The following PCNT variants were observed in gnomAD, a reference collection of about 807,000 sequenced individuals.
PCNT encodes kendrin.
PCNT carries 319 observed loss-of-function variants against 380.4 expected under a neutral mutation model. The observed-to-expected ratio is 0.84, with a 90% CI of 0.77 to 0.92. The LOEUF is 0.92. Ranked by LOEUF, PCNT falls within the 40% of genes least tolerant of loss-of-function variation. The pLI, the probability that PCNT is intolerant of heterozygous loss-of-function variation, is 0.00. For synonymous variants in PCNT, 1,845 were observed against 1,735.2 expected (o/e 1.06, Z -1.57); for missense variants, 4,400 against 4,255.3 (o/e 1.03, Z -0.95).
Position 46,382,481 on chromosome 21 carries a change from G to A in PCNT, c.3312+641G>A, listed in dbSNP as rs530061757. Among the ~76,000 whole-genome samples, 212 of 143,698 alleles carry A rather than the reference G, an allele frequency of 1.5e-3. 18 individuals are homozygous for A. The highest frequency in any genetic ancestry group is 3.9e-3 in the Middle Eastern group (1 of 256). The allele number at this position is 143,698 out of a possible 152,430, so 94.3% of individuals were successfully genotyped here. On this transcript the variant is annotated intron_variant, in intron 16 of 46. Transcript: ENST00000359568. Reference sequence around the variant, plus strand: ...TTCACCATGTTGTATATTCAGTGACGGAAGCGCATTCACGGTGTTGTGCAT... The same window carrying A: ...TTCACCATGTTGTATATTCAGTGACAGAAGCGCATTCACGGTGTTGTGCAT...
rs914151825 is a variant in PCNT, at chr21:46,425,241, G to T, written c.7180-590G>T. Among the ~76,000 whole-genome samples, 1 of 152,216 alleles carries T rather than the reference G, an allele frequency of 6.6e-6. No homozygotes were observed. Among genetic ancestry groups the T allele is most frequent in the Admixed American group, 6.5e-5 (1 of 15,286 alleles). On this transcript the variant is annotated intron_variant, in intron 32 of 46. Transcript: ENST00000359568. The surrounding 1 kb of genome is among the most constrained non-coding windows in gnomAD (Gnocchi z 4.2). ...TGTGTGTCCGGACACCAGCTGCTGCGTAATCGGTGGGATAAAGCAGCCGCC... is the reference window on the plus strand; with the variant it reads ...TGTGTGTCCGGACACCAGCTGCTGCTTAATCGGTGGGATAAAGCAGCCGCC...
chr21:46,327,239 T>G lies in PCNT; in HGVS notation c.267+650T>G, dbSNP rs184271779. Among the ~76,000 whole-genome samples the G allele has an allele frequency of 6.6e-3, 1,000 of 151,966 alleles. 8 individuals carry two copies. Among genetic ancestry groups the G allele is most frequent in the African/African-American group, 0.023 (947 of 41,494 alleles). On this transcript the variant is annotated intron_variant, in intron 2 of 46. Transcript: ENST00000359568. ...CCACGCCCGGCTAGTTTTTGTATTT[T>G]TAATAGAGGTGGGGTTTCACTGTGT...
chr21:46,353,130 A>C lies in PCNT; in HGVS notation c.1483A>C (p.Thr495Pro). The change falls in exon 10 of 47, where the codon ACC becomes CCC. Residue 495 changes from threonine to proline, a missense_variant. Coordinates refer to ENST00000359568, the MANE Select transcript of PCNT (RefSeq NM_006031.6). ...SELHEQLLAR[T>P]SRVEDLEQLK... ...GCTACATGAGCAACTCCTGGCGCGCACCTCTCGTGTGGAAGATTTAGAACA... is the reference window on the plus strand; with the variant it reads ...GCTACATGAGCAACTCCTGGCGCGCCCCTCTCGTGTGGAAGATTTAGAACA... The C allele has an allele frequency of 6.2e-7, 1 of 1,613,876 alleles. No individual in the cohort carries two copies. Among genetic ancestry groups the C allele is most frequent in the Non-Finnish European group, 8.5e-7 (1 of 1,180,012 alleles).
chr21:46,416,237 G>T lies in PCNT; in HGVS notation c.6319G>T (p.Glu2107Ter). 1 of 1,614,188 alleles carries T rather than the reference G, an allele frequency of 6.2e-7. No individual in the cohort carries two copies. The highest frequency in any genetic ancestry group is 8.5e-7 in the Non-Finnish European group (1 of 1,180,026). Residue 2107 changes from glutamate to a stop codon, truncating the protein, a stop_gained, in exon 30 of 47, where the codon GAG becomes TAG. Transcript: ENST00000359568. LOFTEE classifies it high-confidence loss of function. ...LWPMASAHLL[E>*]SSWSDDSCDG... Reference sequence around the variant, plus strand: ...GCCCATGGCCTCAGCACACCTGTTGGAGAGCAGCTGGAGTGATGATTCCTG... The same window carrying T: ...GCCCATGGCCTCAGCACACCTGTTGTAGAGCAGCTGGAGTGATGATTCCTG...
intron 16 of PCNT, among the ~76,000 whole-genome samples, chr21:46,383,440 C>A (rs1404864352): frequency 1.4e-5 from 2 of 143,372 alleles, no homozygotes. Flanking sequence ...AGCGCATTCA[C>A]GGTGTTGTGC....
chr21:46,434,324 C>T (rs2087879744), intron 38 of PCNT, among the ~76,000 whole-genome samples: 2 of 152,244 alleles, frequency 1.3e-5, no homozygotes, highest in African/African-American at 2.4e-5. Flanking sequence ...GTCTGAGCTG[C>T]ACCCTGGTCA....
At chr21:46,391,420 C>T (rs532472911) in intron 21 of PCNT, 44 bp downstream of exon 21, 46 of 1,464,876 alleles carry the variant, frequency 3.1e-5, no homozygotes, top group Admixed American at 2.4e-4. Context: ...CTGTGGGGCG[C>T]GGATACAGCT....
In PCNT at chr21:46,417,990, C is replaced by T. The variant is rs371508650; in HGVS notation, c.6922-214C>T. On this transcript the variant is annotated intron_variant, in intron 30 of 46. Coordinates refer to ENST00000359568, the MANE Select transcript of PCNT (RefSeq NM_006031.6). ...AAACAATTTAAATCTGAAATATTTA[C>T]TATTGGCTACATTAAAATATTCCTA... 4.6e-5 allele frequency among the ~76,000 whole-genome samples: 7 copies of T among 152,300 alleles called. 1 individual carries two copies. The East Asian group carries it at 1.2e-3, about 25-fold the overall frequency.
At chr21:46,386,944 C>T (rs1313084296) in intron 17 of PCNT, among the ~76,000 whole-genome samples, 2 of 152,182 alleles carry the variant, frequency 1.3e-5, no homozygotes, top group Admixed American at 6.5e-5. Flanking sequence ...GCTGCTGCTC[C>T]CATCTGTGTG....
At position 46,365,243 on chromosome 21, in the gene PCNT, A is replaced by C. The variant is rs113284961; in HGVS notation, c.2609+1309A>C. Among the ~76,000 whole-genome samples, 35 of 112,294 alleles carry C rather than the reference A, an allele frequency of 3.1e-4. 1 individual carries two copies. Among genetic ancestry groups the C allele is most frequent in the African/African-American group, 1.1e-3 (32 of 28,552 alleles). 73.7% of individuals were successfully genotyped at this position (112,294 alleles called of 152,430 possible). A position where few individuals can be genotyped will look rare whatever the true frequency, so the allele number is the denominator to read the frequency against. On this transcript the variant is annotated intron_variant, in intron 14 of 46. Transcript: ENST00000359568. The stretch of plus-strand genomic sequence containing the variant: ...GTTCTGTTCACTGCCGTGGGGTTCT[A>C]TTCATTCACTCCCATGGAGTTCTGT...
chr21:46,345,992 C>T (rs1208495617), intron 3 of PCNT, 136 bp from the exon 4 acceptor site: 1 of 811,350 alleles, frequency 1.2e-6, no homozygotes, highest in Non-Finnish European at 2.1e-6. Context: ...CTCCCACCTT[C>T]TGGCCGTTGC....
intron 21 of PCNT, among the ~76,000 whole-genome samples, chr21:46,396,092 AAAT>A (rs1245243961): frequency 2.0e-5 from 3 of 152,340 alleles, no homozygotes; most frequent in South Asian, 2.1e-4. Context: ...TCCATCTCAG[AAAT>A]AATAATAATA....
rs1042914216 is a variant in PCNT, at chr21:46,347,388, TCCTGGG to T, written c.977-67_977-62del. 2.4e-5 allele frequency: 36 copies of T among 1,523,800 alleles called. No individual in the cohort carries two copies. In the African/African-American group the frequency reaches 4.2e-4, roughly 18 times the overall value. The allele number at this position is 1,523,800 out of a possible 1,614,324, so 94.4% of individuals were successfully genotyped here. A position where few individuals can be genotyped will look rare whatever the true frequency, so the allele number is the denominator to read the frequency against. On this transcript the variant is annotated intron_variant, in intron 5 of 46. Coordinates refer to ENST00000359568, the MANE Select transcript of PCNT (RefSeq NM_006031.6). The stretch of plus-strand genomic sequence containing the variant: ...CAGTGGGTGCCAGAGCCTGGTCGTT[TCCTGGG>T]CAGTTGGGTCACTGAAAAGGTTGAG...
At chr21:46,404,230 AAAC>A (rs1299559541) in intron 27 of PCNT, among the ~76,000 whole-genome samples, 6 of 152,286 alleles carry the variant, frequency 3.9e-5, no homozygotes, top group East Asian at 1.9e-4. Flanking sequence ...GAGTCTCAAA[AAAC>A]AACAACAATA....
intron 7 of PCNT, 121 bp from the exon 8 acceptor site, chr21:46,349,563 C>A: frequency 1.9e-6 from 2 of 1,070,636 alleles, no homozygotes; most frequent in Non-Finnish European, 2.9e-6. Flanking sequence ...ACGAGGGGCC[C>A]GGGGGCGCCC....
chr21:46,377,467 G>C (rs1444174177), intron 15 of PCNT, among the ~76,000 whole-genome samples: 1 of 152,152 alleles, frequency 6.6e-6, no homozygotes, highest in East Asian at 1.9e-4. Flanking sequence ...GGCAACTTTT[G>C]TCAGGCCTTT....
At chr21:46,395,620 T>G (rs905889347) in intron 21 of PCNT, among the ~76,000 whole-genome samples, 6 of 150,610 alleles carry the variant, frequency 4.0e-5, no homozygotes, top group Non-Finnish European at 8.8e-5. Context: ...ACTTCAGGAC[T>G]CAGCAACAGA....
intron 16 of PCNT, among the ~76,000 whole-genome samples, chr21:46,383,778 G>T (rs556512590): frequency 4.5e-5 from 5 of 111,452 alleles, no homozygotes; most frequent in Non-Finnish European, 9.5e-5. Context: ...GCGCATTCAC[G>T]GTGTTGTGCG....
intron 15 of PCNT, among the ~76,000 whole-genome samples, chr21:46,376,409 C>T (rs371744571): frequency 7.2e-5 from 11 of 152,196 alleles, no homozygotes; most frequent in South Asian, 2.1e-4. Context: ...GCACCGGGAG[C>T]GCAGAGGTTT....
Sources: allele counts gnomAD v4.1 joint callset (sites outside exome capture counted in the v4.1 genomes callset), GRCh38; gene constraint gnomAD v4.1.1; non-coding constraint Gnocchi (gnomAD v3.1); transcripts MANE v1.5; gene names NCBI Gene and HGNC (gene_info 2026-07-23, HGNC 2026-07-21).